The following RSF1 variants were observed in gnomAD, a reference collection of about 807,000 sequenced individuals.
RSF1 encodes HBV pX-associated protein 8.
In RSF1, 13 loss-of-function variants were observed where a neutral mutation model predicts 145.2. The ratio of observed to expected loss-of-function variants is 0.09; its 90% confidence interval spans 0.06 to 0.14. The LOEUF is 0.14. Among genes scored for constraint, RSF1 ranks in the 10% least tolerant of loss-of-function variants. RSF1 has a pLI of 1.00. For synonymous variants in RSF1, 577 were observed against 592.6 expected, an observed-to-expected ratio of 0.97 and a Z score of 0.38; for missense variants, 1,517 against 1,718.2, an observed-to-expected ratio of 0.88 and a Z score of 2.07.
chr11:77,777,132 A>G (rs141971674), intron 1 of RSF1, among the ~76,000 whole-genome samples: 321 of 152,316 alleles, frequency 2.1e-3, no homozygotes, highest in African/African-American at 6.9e-3. Context: ...ATTTTAAAGC[A>G]AATTCTAGAT....
At chr11:77,693,446 A>C (rs897031355) in intron 8 of RSF1, 61 bp downstream of exon 8, 1 of 1,030,672 alleles carries the variant, frequency 9.7e-7, no homozygotes, top group African/African-American at 1.6e-5. Context: ...AGTAGCTATT[A>C]AACAGTTATT....
chr11:77,688,118 C>G (rs1960057795), intron 9 of RSF1, among the ~76,000 whole-genome samples: 1 of 152,112 alleles, frequency 6.6e-6, no homozygotes, highest in South Asian at 2.1e-4. Flanking sequence ...TGGTGAAATC[C>G]TCGTCTCTAC....
chr11:77,694,105 T>TA (rs1202022316), intron 7 of RSF1, among the ~76,000 whole-genome samples: 2 of 151,828 alleles, frequency 1.3e-5, no homozygotes, highest in Admixed American at 6.6e-5. Flanking sequence ...TAAAAAAACC[T>TA]AAAAAAAAGT....
chr11:77,869,701 A>G, the RSF1 span: 1 of 1,608,950 alleles, frequency 6.2e-7, no homozygotes, highest in African/African-American at 1.3e-5. Context: ...GTACCTGTCT[A>G]CTTTCTCTTT....
the RSF1 span, among the ~76,000 whole-genome samples, chr11:77,827,551 C>T: frequency 6.6e-6 from 1 of 152,104 alleles, no homozygotes; most frequent in Non-Finnish European, 1.5e-5. Flanking sequence ...TCAATAGATG[C>T]AGAAAACTCA....
intron 11 of RSF1, among the ~76,000 whole-genome samples, chr11:77,682,151 A>AT (rs904068506): frequency 2.0e-5 from 3 of 152,124 alleles, no homozygotes; most frequent in African/African-American, 7.2e-5. Context: ...TTTTTGAAGT[A>AT]TTTTTTTAAA....
chr11:77,826,886 C>T, the RSF1 span, among the ~76,000 whole-genome samples: 1 of 152,156 alleles, frequency 6.6e-6, no homozygotes, highest in Non-Finnish European at 1.5e-5. Flanking sequence ...GGGCAGAACA[C>T]CTGAGGTCAG....
At position 77,662,312 on chromosome 11, in the gene RSF1, A is replaced by G. The variant is rs1388931362; in HGVS notation, c.*4605T>C. ...AGTGGTATAAATATGAAAGGAAAAA[A>G]AAAATTGTGCTCAGGTGTCCAAAAG... On this transcript the variant is annotated 3_prime_UTR_variant, in exon 16 of 16. Coordinates refer to ENST00000308488, the MANE Select transcript of RSF1 (RefSeq NM_016578.4). The G allele has an allele frequency of 6.6e-6, 1 of 152,118 alleles. No homozygotes were observed. The highest frequency in any genetic ancestry group is 1.5e-5 in the Non-Finnish European group (1 of 67,986). The allele number at this position is 152,118 out of a possible 1,614,324, so 9.4% of individuals were successfully genotyped here. A position where few individuals can be genotyped will look rare whatever the true frequency, so the allele number is the denominator to read the frequency against.
intron 6 of RSF1, among the ~76,000 whole-genome samples, chr11:77,700,080 C>T (rs1960377659): frequency 1.3e-5 from 2 of 152,006 alleles, no homozygotes; most frequent in Admixed American, 6.6e-5. Flanking sequence ...GGGCCAGGCA[C>T]GGTGGCTCAC....
At chr11:77,715,212 G>C (rs1174405457) in intron 5 of RSF1, among the ~76,000 whole-genome samples, 1 of 150,300 alleles carries the variant, frequency 6.7e-6, no homozygotes, top group Non-Finnish European at 1.5e-5. Context: ...ACTATAGTCT[G>C]TATCCTATTG....
chr11:77,742,379 A>G (rs1170454362), intron 3 of RSF1, among the ~76,000 whole-genome samples: 1 of 152,140 alleles, frequency 6.6e-6, no homozygotes, highest in Non-Finnish European at 1.5e-5. Flanking sequence ...TCCTGGGTTC[A>G]AGAGATTCTC....
chr11:77,675,710 A>G (rs1336845225), intron 13 of RSF1, among the ~76,000 whole-genome samples: 1 of 152,160 alleles, frequency 6.6e-6, no homozygotes, highest in Admixed American at 6.5e-5. Context: ...ATAATCTCTC[A>G]AACCTGATCT....
At chr11:77,804,225 T>C (rs1335190830) in intron 1 of RSF1, among the ~76,000 whole-genome samples, 1 of 152,248 alleles carries the variant, frequency 6.6e-6, no homozygotes, top group East Asian at 1.9e-4. Context: ...TCTTTTCATC[T>C]GGCTGGTCTT....
intron 1 of RSF1, among the ~76,000 whole-genome samples, chr11:77,792,947 A>T (rs1225911246): frequency 6.6e-6 from 1 of 152,230 alleles, no homozygotes; most frequent in Admixed American, 6.5e-5. Flanking sequence ...GAAAACACAC[A>T]AAAGTATAAA....
chr11:77,787,862 A>T (rs1206032410), intron 1 of RSF1, among the ~76,000 whole-genome samples: 2 of 145,792 alleles, frequency 1.4e-5, no homozygotes, highest in African/African-American at 5.2e-5. Context: ...GAGTGCTGTG[A>T]CTCACACCTG....
At chr11:77,758,554 C>T (rs1948139213) in intron 2 of RSF1, among the ~76,000 whole-genome samples, 1 of 152,202 alleles carries the variant, frequency 6.6e-6, no homozygotes, top group Admixed American at 6.5e-5. Context: ...TACCATATTA[C>T]ACTCTCACGA....
intron 11 of RSF1, among the ~76,000 whole-genome samples, chr11:77,682,873 AGCATGT>A (rs201076179): frequency 0.01 from 1,563 of 152,358 alleles, 31 homozygotes; most frequent in African/African-American, 0.034. Context: ...GCAGGTAAAC[AGCATGT>A]GCAAAGGGAC....
intron 9 of RSF1, among the ~76,000 whole-genome samples, chr11:77,687,863 C>A (rs564220225): frequency 6.6e-6 from 1 of 152,070 alleles, no homozygotes; most frequent in Non-Finnish European, 1.5e-5. Context: ...AGTGGCATAT[C>A]CTATAGCATA....
At chr11:77,847,857 C>T in the RSF1 span, among the ~76,000 whole-genome samples, 1 of 152,156 alleles carries the variant, frequency 6.6e-6, no homozygotes, top group East Asian at 1.9e-4. Context: ...CTGCTGTCTG[C>T]AAGTCTGAAG....
Sources: allele counts gnomAD v4.1 joint callset (sites outside exome capture counted in the v4.1 genomes callset), GRCh38; gene constraint gnomAD v4.1.1; transcripts MANE v1.5; gene names NCBI Gene and HGNC (gene_info 2026-07-23, HGNC 2026-07-21).